Variants in SNTG1 observed in about 807,000 individuals in gnomAD.
SNTG1 encodes gamma-1-syntrophin.
A neutral mutation model predicts 74.7 loss-of-function variants in SNTG1; 39 were observed. The ratio of observed to expected loss-of-function variants is 0.52; its 90% CI spans 0.40 to 0.68. The LOEUF (loss-of-function observed/expected upper bound fraction) is 0.68. Among genes scored for constraint, SNTG1 ranks in the 30% least tolerant of loss-of-function variants. SNTG1 has a pLI of 0.00. For synonymous variants in SNTG1, 254 were observed against 217.1 expected, an observed-to-expected ratio of 1.17 and a Z score of -1.49; for missense variants, 685 against 609.5, an observed-to-expected ratio of 1.12 and a Z score of -1.30.
intron 2 of SNTG1, among the ~76,000 whole-genome samples, chr8:50,366,659 G>GTAATAATATAGGCCTATATTATTTTA: frequency 6.8e-6 from 1 of 146,036 alleles, no homozygotes; most frequent in African/African-American, 2.5e-5. Flanking sequence ...ATATTATTTT[G>GTAATAATATAGGCCTATATTATTTTA]TAATAATATA....
chr8:50,639,092 TAAG>T (rs1471813310), intron 13 of SNTG1, among the ~76,000 whole-genome samples: 1 of 151,970 alleles, frequency 6.6e-6, no homozygotes, highest in Non-Finnish European at 1.5e-5. Flanking sequence ...AACCTGATAT[TAAG>T]AAGGAGACAT....
chr8:50,449,755 C>T (rs1248540296), intron 6 of SNTG1, 30 bp downstream of exon 6: 2 of 1,519,306 alleles, frequency 1.3e-6, no homozygotes, highest in Admixed American at 2.0e-5. Flanking sequence ...GTGTACCAGC[C>T]ATTTCTTTAA....
At chr8:50,747,538 GCTTAC>G (rs962474983) in intron 17 of SNTG1, among the ~76,000 whole-genome samples, 3 of 151,774 alleles carry the variant, frequency 2.0e-5, no homozygotes, top group African/African-American at 7.3e-5. Context: ...CTTATCATAT[GCTTAC>G]CTTATGTATT....
intron 13 of SNTG1, among the ~76,000 whole-genome samples, chr8:50,616,617 G>A (rs2094886962): frequency 6.6e-6 from 1 of 152,160 alleles, no homozygotes; most frequent in South Asian, 2.1e-4. Flanking sequence ...CACTCTTTCA[G>A]TCTCTCTCTT....
rs541981515 is a variant in SNTG1 at position 50,093,074 on chromosome 8, T to C, written c.-102-79487T>C. 2.0e-5 allele frequency among the ~76,000 whole-genome samples: 3 copies of C among 150,284 alleles called. No individual in the cohort carries two copies. The South Asian group carries it at 6.3e-4, about 32-fold the overall frequency. On this transcript the variant is annotated intron_variant, in intron 1 of 18. Coordinates refer to ENST00000642720, the MANE Select transcript of SNTG1 (RefSeq NM_018967.5). ...TAGCCATGAGAAGCATTGATTCTAG[T>C]TGTGGAGCACATATACCCAATGATG...
At chr8:50,487,799 C>T (rs887720454) in intron 8 of SNTG1, among the ~76,000 whole-genome samples, 1 of 150,750 alleles carries the variant, frequency 6.6e-6, no homozygotes, top group African/African-American at 2.4e-5. Context: ...AACTAACCTG[C>T]ACAATGTGCA....
chr8:50,490,502 C>A (rs780688505), intron 8 of SNTG1, among the ~76,000 whole-genome samples: 1 of 152,114 alleles, frequency 6.6e-6, no homozygotes, highest in Non-Finnish European at 1.5e-5. Context: ...AAGTTGTATT[C>A]CTAGGTATTT....
intron 1 of SNTG1, among the ~76,000 whole-genome samples, chr8:49,928,847 A>G (rs1807293067): frequency 6.6e-6 from 1 of 152,162 alleles, no homozygotes; most frequent in Admixed American, 6.5e-5. Context: ...GGACATGCAT[A>G]ATTTATAAGT....
chr8:50,399,382 A>G (rs912249382), intron 3 of SNTG1, among the ~76,000 whole-genome samples: 2 of 152,214 alleles, frequency 1.3e-5, no homozygotes, highest in South Asian at 2.1e-4. Context: ...ATTTAAGTGA[A>G]TGATAGCTTT....
intron 13 of SNTG1, among the ~76,000 whole-genome samples, chr8:50,606,231 G>A (rs1292894299): frequency 6.6e-6 from 1 of 152,086 alleles, no homozygotes; most frequent in East Asian, 1.9e-4. Context: ...AAATTGCATT[G>A]AATCTTTATA....
At chr8:49,987,048 A>G (rs954327346) in intron 1 of SNTG1, among the ~76,000 whole-genome samples, 2 of 152,224 alleles carry the variant, frequency 1.3e-5, no homozygotes, top group African/African-American at 4.8e-5. Flanking sequence ...AAAGTAGGTT[A>G]TGTTTGGAAA....
intron 1 of SNTG1, among the ~76,000 whole-genome samples, chr8:50,129,330 C>A (rs966828609): frequency 7.9e-5 from 12 of 152,088 alleles, no homozygotes; most frequent in African/African-American, 2.9e-4. Context: ...TTCATAGCAT[C>A]CAGAAGGAAA....
At chr8:50,450,665 C>T in intron 7 of SNTG1, 23 bp from the exon 8 acceptor site, 1 of 1,613,328 alleles carries the variant, frequency 6.2e-7, no homozygotes, top group African/African-American at 1.3e-5. Context: ...CCATGGGAAA[C>T]TATGCTTTTC....
chr8:50,341,962 A>T (rs2091330947), intron 2 of SNTG1, among the ~76,000 whole-genome samples: 1 of 151,936 alleles, frequency 6.6e-6, no homozygotes, highest in Admixed American at 6.6e-5. Flanking sequence ...CTATTTCCAT[A>T]TTTTCAGATT....
At chr8:50,014,099 C>T (rs1816085168) in intron 1 of SNTG1, among the ~76,000 whole-genome samples, 1 of 152,094 alleles carries the variant, frequency 6.6e-6, no homozygotes, top group Non-Finnish European at 1.5e-5. Context: ...TAAGTTGGTG[C>T]TATCCCCATC....
intron 2 of SNTG1, among the ~76,000 whole-genome samples, chr8:50,285,669 A>T (rs1447522173): frequency 6.6e-6 from 1 of 152,096 alleles, no homozygotes; most frequent in Non-Finnish European, 1.5e-5. Context: ...TAAATGACTA[A>T]ATTGAGTTCA....
At chr8:50,086,543 T>G (rs1257852329) in intron 1 of SNTG1, among the ~76,000 whole-genome samples, 2 of 152,074 alleles carry the variant, frequency 1.3e-5, no homozygotes, top group Non-Finnish European at 2.9e-5. Flanking sequence ...AAAGGTCAGA[T>G]GAATGTCTGT....
chr8:50,114,734 G>A (rs1330644361), intron 1 of SNTG1, among the ~76,000 whole-genome samples: 1 of 152,008 alleles, frequency 6.6e-6, no homozygotes, highest in Non-Finnish European at 1.5e-5. Context: ...GCGTAGATGT[G>A]CACGCCTGTA....
At chr8:50,301,208 C>CATGTGCTTG (rs1268676420) in intron 2 of SNTG1, among the ~76,000 whole-genome samples, 1 of 152,078 alleles carries the variant, frequency 6.6e-6, no homozygotes, top group African/African-American at 2.4e-5. Context: ...ACATTACACT[C>CATGTGCTTG]ATGTCATTAT....
Sources: allele counts gnomAD v4.1 joint callset (sites outside exome capture counted in the v4.1 genomes callset), GRCh38; gene constraint gnomAD v4.1.1; transcripts MANE v1.5; gene names NCBI Gene and HGNC (gene_info 2026-07-23, HGNC 2026-07-21).